Variants in LARP4B observed in about 807,000 individuals in gnomAD.
LARP4B encodes La ribonucleoprotein 4B.
LARP4B carries 12 observed loss-of-function variants against 89.8 expected under a neutral mutation model. That is an observed-to-expected ratio of 0.13 (90% CI 0.09 to 0.22). The LOEUF (loss-of-function observed/expected upper bound fraction) is 0.22, where lower values mean the gene tolerates loss of function less well. LARP4B is among the 10% of genes least tolerant of loss of function. The pLI is 1.00. For synonymous variants in LARP4B, 367 were observed against 363.3 expected, an observed-to-expected ratio of 1.01 and a Z score of -0.12; for missense variants, 757 against 947.7, an observed-to-expected ratio of 0.80 and a Z score of 2.64.
rs1346666145 is a variant in LARP4B at position 863,791 on chromosome 10, C to G, written c.382G>C (p.Ala128Pro). ...ESDPADMNAL[A>P]LGPSEYDSLP... ...GAGTCATATTCTGAGGGACCCAGAGCGAGAGCGTTCATGTCTGCTGGGTCC... is the reference window on the plus strand; with the variant it reads ...GAGTCATATTCTGAGGGACCCAGAGGGAGAGCGTTCATGTCTGCTGGGTCC... The change falls in exon 5 of 18, where the codon GCT becomes CCT. Residue 128 changes from alanine (A) to proline (P), a missense_variant. Coordinates refer to ENST00000316157, the MANE Select transcript of LARP4B (RefSeq NM_015155.3). 2 of 1,613,958 alleles carry G rather than the reference C, an allele frequency of 1.2e-6. No homozygotes were observed. Among genetic ancestry groups the G allele is most frequent in the Admixed American group, 1.7e-5 (1 of 59,972 alleles).
In LARP4B at chr10:814,207, T is replaced by G. The variant is rs1831896328; in HGVS notation, c.1929+535A>C. On this transcript the variant is annotated intron_variant, in intron 17 of 17. Transcript: ENST00000316157. The surrounding 1 kb of genome is among the most constrained non-coding windows in gnomAD (Gnocchi z 4.4). ...ACAGTAAGGGATTAAACTCCCAAAT[T>G]CAAGGAAAAGGCTCCCCCAAGATCA... 6.6e-6 allele frequency among the ~76,000 whole-genome samples: 1 copy of G among 152,012 alleles called. No individual in the cohort carries two copies. Among genetic ancestry groups the G allele is most frequent in the Non-Finnish European group, 1.5e-5 (1 of 67,990 alleles).
rs77583446 is a variant in LARP4B, at chr10:837,705, G to A, written c.647-1199C>T. Among the ~76,000 whole-genome samples the A allele has an allele frequency of 8.4e-3, 1,284 of 152,278 alleles. 8 individuals carry two copies. The highest frequency in any genetic ancestry group is 0.03 in the African/African-American group (1,230 of 41,536). The stretch of plus-strand genomic sequence containing the variant: ...AGACACGTGGGGTGCTGCAACAGAT[G>A]CACACAGGATCCATACCCCACACCA... On this transcript the variant is annotated intron_variant, in intron 7 of 17. Coordinates refer to ENST00000316157, the MANE Select transcript of LARP4B (RefSeq NM_015155.3).
chr10:959,922 A>G, the LARP4B span, among the ~76,000 whole-genome samples: 2 of 142,582 alleles, frequency 1.4e-5, no homozygotes, highest in Admixed American at 6.9e-5. Context: ...CTCCTCCTCA[A>G]TCCCACCTCC....
chr10:808,311 T>C (rs1170191712), downstream of LARP4B: 1 of 152,262 alleles, frequency 6.6e-6, no homozygotes, highest in Admixed American at 6.5e-5. Context: ...TTCGAGTTAA[T>C]ACACATTTAC....
chr10:978,376 T>C, the LARP4B span, among the ~76,000 whole-genome samples: 1 of 152,246 alleles, frequency 6.6e-6, no homozygotes, highest in African/African-American at 2.4e-5. Flanking sequence ...TAAAGTTATC[T>C]TTATGAATTA....
At chr10:858,581 G>C (rs1834427328) in intron 5 of LARP4B, among the ~76,000 whole-genome samples, 1 of 152,036 alleles carries the variant, frequency 6.6e-6, no homozygotes, top group African/African-American at 2.4e-5. Context: ...TACATCAAAA[G>C]ACACTTTGAA....
chr10:906,143 T>C (rs1836485983), intron 1 of LARP4B, among the ~76,000 whole-genome samples: 1 of 152,246 alleles, frequency 6.6e-6, no homozygotes, highest in Non-Finnish European at 1.5e-5. Context: ...ACTATATCCA[T>C]AATGCATCAA....
intron 5 of LARP4B, among the ~76,000 whole-genome samples, chr10:862,680 A>G (rs1834688051): frequency 6.6e-6 from 1 of 152,086 alleles, no homozygotes; most frequent in African/African-American, 2.4e-5. Flanking sequence ...GAATGGCATG[A>G]ACTCAGTAGG....
intron 12 of LARP4B, 47 bp downstream of exon 12, chr10:825,717 G>A (rs1396943266): frequency 1.6e-6 from 2 of 1,262,516 alleles, no homozygotes; most frequent in South Asian, 2.5e-5. Context: ...ACTCCGGAAG[G>A]GCAGTAGCGT....
chr10:937,579 C>T, the LARP4B span, among the ~76,000 whole-genome samples: 1,539 of 152,184 alleles, frequency 0.01, 23 homozygotes, highest in African/African-American at 0.033. Context: ...CTAATAATGG[C>T]GGCCTGACCC....
At chr10:870,042 A>G in intron 3 of LARP4B, 9 of 985,746 alleles carry the variant, frequency 9.1e-6, no homozygotes, top group Non-Finnish European at 1.1e-5. Flanking sequence ...TGCCATCCCC[A>G]AACAACACCG....
chr10:909,584 A>G (rs921328263), intron 1 of LARP4B, among the ~76,000 whole-genome samples: 20 of 151,988 alleles, frequency 1.3e-4, no homozygotes, highest in Non-Finnish European at 1.5e-5. Flanking sequence ...CACGAGTTTG[A>G]GACCAGCCTG....
chr10:825,898 A>T (rs375699900), intron 11 of LARP4B, 28 bp from the exon 12 acceptor site: 5 of 1,434,088 alleles, frequency 3.5e-6, no homozygotes, highest in Non-Finnish European at 4.9e-6. Context: ...CAGACAAGTA[A>T]ATAAACCATA....
At chr10:985,766 C>T in the LARP4B span, 5 of 152,202 alleles carry the variant, frequency 3.3e-5, no homozygotes, top group African/African-American at 1.2e-4. Flanking sequence ...TGATTCCAAC[C>T]GCTACAGCCC....
intron 1 of LARP4B, among the ~76,000 whole-genome samples, chr10:897,987 C>CAAAAAAAA (rs58452748): frequency 3.9e-5 from 1 of 25,626 alleles, no homozygotes; most frequent in African/African-American, 1.8e-4. Context: ...GGCTCCATCT[C>CAAAAAAAA]AAAAAAAAAA....
intron 1 of LARP4B, among the ~76,000 whole-genome samples, chr10:926,556 C>T (rs139418912): frequency 3.7e-4 from 57 of 152,264 alleles, no homozygotes; most frequent in African/African-American, 1.2e-3. Flanking sequence ...TGAAAAGAGG[C>T]CAGCCATCAG....
At chr10:868,766 C>T (rs1181679800) in intron 3 of LARP4B, among the ~76,000 whole-genome samples, 2 of 152,240 alleles carry the variant, frequency 1.3e-5, no homozygotes, top group African/African-American at 4.8e-5. Context: ...GTTGATGGAT[C>T]ATTCCTTACA....
chr10:912,465 T>C (rs192536626), intron 1 of LARP4B, among the ~76,000 whole-genome samples: 2 of 152,248 alleles, frequency 1.3e-5, no homozygotes, highest in African/African-American at 4.8e-5. Context: ...AATTTAAGTA[T>C]TAGGCCCTAG....
chr10:831,311 G>GA (rs1323651494), intron 8 of LARP4B, among the ~76,000 whole-genome samples: 2 of 128,524 alleles, frequency 1.6e-5, no homozygotes, highest in Non-Finnish European at 3.3e-5. Flanking sequence ...GGCAATTTAA[G>GA]AAAAAAAATT....
Sources: allele counts gnomAD v4.1 joint callset (sites outside exome capture counted in the v4.1 genomes callset), GRCh38; gene constraint gnomAD v4.1.1; non-coding constraint Gnocchi (gnomAD v3.1); transcripts MANE v1.5; gene names NCBI Gene and HGNC (gene_info 2026-07-23, HGNC 2026-07-21).